Variants in MEF2A observed in about 807,000 individuals in gnomAD.
MEF2A encodes the protein myocyte-specific enhancer factor 2A.
Under a neutral mutation model 55.8 loss-of-function variants are expected in MEF2A, and 28 were observed. The ratio of observed to expected loss-of-function variants is 0.50; its 90% confidence interval spans 0.37 to 0.69. MEF2A has a LOEUF of 0.69. MEF2A is among the 30% of genes least tolerant of loss of function. The probability of loss-of-function intolerance (pLI) is 0.00; values close to 1 mark genes in which losing one functional copy is unlikely to be tolerated. For missense variants in MEF2A, 528 were observed against 626.2 expected (o/e 0.84, Z 1.67); for synonymous variants, 239 against 227.1 (o/e 1.05, Z -0.47).
intron 1 of MEF2A, among the ~76,000 whole-genome samples, chr15:99,577,097 T>A (rs1482525484): frequency 6.6e-6 from 1 of 152,248 alleles, no homozygotes; most frequent in East Asian, 1.9e-4. Context: ...GGCATCACTT[T>A]AATTATACAA....
chr15:99,632,735 A>G (rs957639176), intron 2 of MEF2A, among the ~76,000 whole-genome samples: 2 of 152,218 alleles, frequency 1.3e-5, no homozygotes, highest in African/African-American at 4.8e-5. Context: ...TATTGTATAC[A>G]TTGAGAAAAC....
chr15:99,592,829 G>C (rs773389625), intron 1 of MEF2A, among the ~76,000 whole-genome samples: 1 of 152,140 alleles, frequency 6.6e-6, no homozygotes, highest in East Asian at 1.9e-4. Flanking sequence ...CTCTCACCAA[G>C]TCCCACCTCC....
chr15:99,618,701 A>G (rs2040625544), intron 2 of MEF2A, among the ~76,000 whole-genome samples: 1 of 152,194 alleles, frequency 6.6e-6, no homozygotes, highest in African/African-American at 2.4e-5. Context: ...AAACATATCC[A>G]TGAGAGTGAG....
At chr15:99,570,739 T>C (rs1393575216) in intron 1 of MEF2A, among the ~76,000 whole-genome samples, 1 of 152,134 alleles carries the variant, frequency 6.6e-6, no homozygotes, top group African/African-American at 2.4e-5. Context: ...CATCCTTAGC[T>C]GTCCATCTTC....
rs751045780 is a variant in MEF2A, at chr15:99,710,646, C to A, written c.1022C>A (p.Thr341Asn). 6.2e-7 allele frequency: 1 copy of A among 1,612,788 alleles called. No homozygotes were observed. Among genetic ancestry groups the A allele is most frequent in the Non-Finnish European group, 8.5e-7 (1 of 1,178,842 alleles). Residue 341 changes from threonine (T) to asparagine (N), a missense_variant, in exon 11 of 12, where the codon ACC (threonine) becomes AAC (asparagine). Around this residue, in one of 2 missense-constraint regions of MEF2A, gnomAD observed 450 missense variants for 475.3 expected, o/e 0.95. Coordinates refer to ENST00000557942, the MANE Select transcript of MEF2A (RefSeq NM_001319206.4). The stretch of plus-strand genomic sequence containing the variant: ...TCTTCCTTTGTAGATTATTCACTGA[C>A]CAGCGCTGACCTGTCAGCCCTTCAA... ...PTAYNTDYSL[T>N]SADLSALQGF...
chr15:99,706,689 TACC>T (rs755020437), intron 9 of MEF2A, 37 bp from the exon 10 acceptor site: 2 of 1,601,470 alleles, frequency 1.2e-6, no homozygotes, highest in South Asian at 1.1e-5. Context: ...TCAACATAAA[TACC>T]ACATCAGAAC....
At chr15:99,578,700 A>G (rs1965064878) in intron 1 of MEF2A, among the ~76,000 whole-genome samples, 1 of 152,210 alleles carries the variant, frequency 6.6e-6, no homozygotes, top group South Asian at 2.1e-4. Flanking sequence ...AACGCAGCAT[A>G]TTTATTCCCC....
At chr15:99,652,599 T>C (rs2047041844) in intron 4 of MEF2A, among the ~76,000 whole-genome samples, 1 of 152,192 alleles carries the variant, frequency 6.6e-6, no homozygotes, top group Non-Finnish European at 1.5e-5. Context: ...TGTAGTATAC[T>C]GTGAAGAGTG....
chr15:99,570,723 C>T (rs921686965), intron 1 of MEF2A, among the ~76,000 whole-genome samples: 8 of 151,958 alleles, frequency 5.3e-5, no homozygotes, highest in African/African-American at 1.5e-4. Flanking sequence ...TTTCACCTCT[C>T]GTCCTCATCC....
chr15:99,614,240 T>C (rs2039808031), intron 2 of MEF2A, among the ~76,000 whole-genome samples: 1 of 152,232 alleles, frequency 6.6e-6, no homozygotes, highest in Non-Finnish European at 1.5e-5. Flanking sequence ...CCTTCCCTTC[T>C]GCAGTTCAGT....
rs191012518 is a variant in MEF2A, at chr15:99,679,706, A to G, written c.670+4248A>G. Reference sequence around the variant, plus strand: ...TGGTGGTTACGTGGATCTTCACTTTATGATAAATCCTTAACCTATACGTTT... The same window carrying G: ...TGGTGGTTACGTGGATCTTCACTTTGTGATAAATCCTTAACCTATACGTTT... On this transcript the variant is annotated intron_variant, in intron 7 of 11. Coordinates refer to ENST00000557942, the MANE Select transcript of MEF2A (RefSeq NM_001319206.4). 2.6e-5 allele frequency among the ~76,000 whole-genome samples: 4 copies of G among 152,324 alleles called. No homozygotes were observed. The East Asian group carries it at 5.8e-4, about 22-fold the overall frequency.
intron 2 of MEF2A, among the ~76,000 whole-genome samples, chr15:99,611,265 G>T (rs1318218052): frequency 6.6e-6 from 1 of 152,074 alleles, no homozygotes; most frequent in Non-Finnish European, 1.5e-5. Context: ...AACAAAACTT[G>T]ATGAGTGGGA....
At chr15:99,624,488 A>T (rs951427980) in intron 2 of MEF2A, among the ~76,000 whole-genome samples, 2 of 152,186 alleles carry the variant, frequency 1.3e-5, no homozygotes, top group East Asian at 1.9e-4. Context: ...ATTTGACCAT[A>T]TGTGAGGGTT....
At chr15:99,600,157 C>T (rs1319624587) in intron 2 of MEF2A, among the ~76,000 whole-genome samples, 1 of 152,160 alleles carries the variant, frequency 6.6e-6, no homozygotes. Flanking sequence ...TAGCTGAGAA[C>T]TCTGTACTTT....
intron 7 of MEF2A, among the ~76,000 whole-genome samples, chr15:99,684,597 G>A (rs1199134775): frequency 3.3e-5 from 5 of 152,108 alleles, no homozygotes; most frequent in Non-Finnish European, 7.4e-5. Context: ...TGTAGATTCT[G>A]GATATTAGTC....
chr15:99,584,180 C>T (rs1424199242), intron 1 of MEF2A, among the ~76,000 whole-genome samples: 1 of 152,080 alleles, frequency 6.6e-6, no homozygotes, highest in East Asian at 1.9e-4. Flanking sequence ...ATGTGACCAC[C>T]GTCATTTATG....
chr15:99,707,900 G>A (rs1270777401), intron 10 of MEF2A, among the ~76,000 whole-genome samples: 1 of 151,390 alleles, frequency 6.6e-6, no homozygotes, highest in African/African-American at 2.4e-5. Flanking sequence ...ATTCTAAGAA[G>A]TTCTTTTAAA....
At chr15:99,683,932 C>G (rs985159142) in intron 7 of MEF2A, among the ~76,000 whole-genome samples, 1 of 152,098 alleles carries the variant, frequency 6.6e-6, no homozygotes, top group African/African-American at 2.4e-5. Context: ...TAGCTTAGCT[C>G]CCACTTATAA....
chr15:99,697,022 G>A (rs1315296214), intron 8 of MEF2A, among the ~76,000 whole-genome samples: 1 of 150,278 alleles, frequency 6.7e-6, no homozygotes, highest in East Asian at 2.0e-4. Flanking sequence ...AGTATAATCA[G>A]TATATTAACA....
Sources: allele counts gnomAD v4.1 joint callset (sites outside exome capture counted in the v4.1 genomes callset), GRCh38; gene constraint gnomAD v4.1.1; regional missense constraint gnomAD v4.1.1; transcripts MANE v1.5; gene names NCBI Gene and HGNC (gene_info 2026-07-23, HGNC 2026-07-21).